The following CR1L variants were observed in gnomAD, a reference collection of about 807,000 sequenced individuals.
CR1L encodes complement component receptor 1-like protein.
Under a neutral mutation model 62.3 loss-of-function variants are expected in CR1L, and 59 were observed. The ratio of observed to expected loss-of-function variants is 0.95; its 90% CI spans 0.77 to 1.18. The LOEUF (loss-of-function observed/expected upper bound fraction) is 1.18, where lower values mean the gene tolerates loss of function less well. CR1L is among the 50% of genes most tolerant of loss of function. The pLI, the probability that CR1L is intolerant of heterozygous loss-of-function variation, is 0.00. For missense variants in CR1L, 700 were observed against 702.8 expected (o/e 1.00, Z 0.04); for synonymous variants, 279 against 248.7 (o/e 1.12, Z -1.15).
intron 11 of CR1L, 99 bp from the exon 12 acceptor site, chr1:207,723,519 C>T: frequency 9.8e-7 from 1 of 1,021,612 alleles, no homozygotes; most frequent in Non-Finnish European, 1.4e-6. Context: ...AGTCTGAGTC[C>T]TGAATAAAAA....
chr1:207,654,839 A>G (rs548206737), intron 1 of CR1L, among the ~76,000 whole-genome samples: 1 of 152,328 alleles, frequency 6.6e-6, no homozygotes, highest in African/African-American at 2.4e-5. Context: ...TTCCAGCTCT[A>G]GGGCCTGTTC....
intron 3 of CR1L, among the ~76,000 whole-genome samples, chr1:207,683,403 C>T (rs1289938728): frequency 6.6e-6 from 1 of 152,110 alleles, no homozygotes. Context: ...TCCAAACGTG[C>T]TGGGATTACA....
At chr1:207,688,419 T>C (rs1343390169) in intron 4 of CR1L, among the ~76,000 whole-genome samples, 3 of 152,080 alleles carry the variant, frequency 2.0e-5, no homozygotes, top group African/African-American at 7.2e-5. Context: ...TTTGGTTTAG[T>C]TTTTTGCCAT....
intron 1 of CR1L, among the ~76,000 whole-genome samples, chr1:207,657,701 C>A (rs1227594341): frequency 6.6e-6 from 1 of 152,088 alleles, no homozygotes; most frequent in Non-Finnish European, 1.5e-5. Context: ...CAGACTAATG[C>A]TCTCACCAAT....
intron 1 of CR1L, among the ~76,000 whole-genome samples, chr1:207,653,515 C>T (rs1000343560): frequency 6.6e-6 from 1 of 152,162 alleles, no homozygotes; most frequent in Non-Finnish European, 1.5e-5. Flanking sequence ...GTAGGGCTCA[C>T]AGAAATGAGA....
At chr1:207,718,929 T>TAA (rs1325093372) in intron 11 of CR1L, among the ~76,000 whole-genome samples, 3 of 149,308 alleles carry the variant, frequency 2.0e-5, no homozygotes, top group Non-Finnish European at 4.4e-5. Context: ...TATGCAGCCA[T>TAA]AAAAAATGAT....
At chr1:207,652,660 G>C (rs186639339) in intron 1 of CR1L, 2 of 1,057,634 alleles carry the variant, frequency 1.9e-6, no homozygotes, top group Non-Finnish European at 3.0e-6. Flanking sequence ...ACACTTCTAC[G>C]TACCTCCTCT....
At chr1:207,710,529 C>G in intron 10 of CR1L, 1 of 1,609,136 alleles carries the variant, frequency 6.2e-7, no homozygotes, top group Non-Finnish European at 8.5e-7. Context: ...GGTGAGCCCT[C>G]CATATACTGC....
At chr1:207,667,980 C>A (rs1663548331) in intron 1 of CR1L, among the ~76,000 whole-genome samples, 1 of 151,082 alleles carries the variant, frequency 6.6e-6, no homozygotes, top group Admixed American at 6.6e-5. Flanking sequence ...TATCACCTCA[C>A]CCTAGTTATC....
intron 4 of CR1L, among the ~76,000 whole-genome samples, chr1:207,688,969 A>C (rs944675185): frequency 1.3e-5 from 2 of 152,166 alleles, no homozygotes; most frequent in South Asian, 2.1e-4. Context: ...TGAATCTGAC[A>C]AAGTTTTTAA....
At chr1:207,683,980 A>G (rs746423399) in intron 4 of CR1L, 23 bp downstream of exon 4, 2 of 1,596,950 alleles carry the variant, frequency 1.3e-6, no homozygotes, top group Non-Finnish European at 1.7e-6. Context: ...ATGCATTCCT[A>G]TTTCTTTTAC....
intron 4 of CR1L, among the ~76,000 whole-genome samples, chr1:207,686,546 A>T (rs890832055): frequency 2.0e-5 from 3 of 152,150 alleles, no homozygotes; most frequent in African/African-American, 7.2e-5. Flanking sequence ...AAGGCAAATA[A>T]TTTTGAATTT....
chr1:207,688,084 G>A (rs1663939219), intron 4 of CR1L, among the ~76,000 whole-genome samples: 1 of 152,060 alleles, frequency 6.6e-6, no homozygotes, highest in South Asian at 2.1e-4. Context: ...ACCAGCCTGG[G>A]CAACAAAGCG....
intron 4 of CR1L, among the ~76,000 whole-genome samples, chr1:207,685,496 A>C (rs1663886426): frequency 6.6e-6 from 1 of 152,334 alleles, no homozygotes; most frequent in East Asian, 1.9e-4. Context: ...AGACTCCATG[A>C]TCAATTAGCC....
intron 1 of CR1L, among the ~76,000 whole-genome samples, chr1:207,675,197 C>T (rs1426516213): frequency 6.6e-6 from 1 of 151,870 alleles, no homozygotes; most frequent in Non-Finnish European, 1.5e-5. Context: ...TAAAAGCACA[C>T]AAAATTAAAA....
rs905090671 is a variant in CR1L at position 207,671,201 on chromosome 1, G to A, written c.98-6188G>A. ...GAGAGAGGTATTTTGAAAATCAGGT[G>A]GGGTAGTGCATGTGACAGCGTTTTG... On this transcript the variant is annotated intron_variant, in intron 1 of 11. Coordinates refer to ENST00000508064, the MANE Select transcript of CR1L (RefSeq NM_175710.2). 2.7e-5 allele frequency among the ~76,000 whole-genome samples: 4 copies of A among 150,846 alleles called. 1 individual carries two copies. The highest frequency in any genetic ancestry group is 1.0e-4 in the African/African-American group (4 of 40,182).
intron 10 of CR1L, among the ~76,000 whole-genome samples, chr1:207,716,070 A>T (rs1168609865): frequency 6.6e-6 from 1 of 152,210 alleles, no homozygotes; most frequent in Non-Finnish European, 1.5e-5. Context: ...GCAGTATTGA[A>T]TGACATAGGG....
intron 4 of CR1L, among the ~76,000 whole-genome samples, chr1:207,691,706 C>T (rs963116186): frequency 1.1e-4 from 16 of 152,134 alleles, no homozygotes; most frequent in Non-Finnish European, 1.9e-4. Flanking sequence ...CCTTGATTTA[C>T]TATAGTCTAC....
At chr1:207,714,073 A>T (rs1374018899) in intron 10 of CR1L, among the ~76,000 whole-genome samples, 2 of 152,220 alleles carry the variant, frequency 1.3e-5, no homozygotes, top group Non-Finnish European at 2.9e-5. Context: ...TCCAAGAAGA[A>T]CAAGCTTATG....
Sources: gnomAD v4.1 joint callset for allele counts (sites outside exome capture counted in the v4.1 genomes callset) on GRCh38, gnomAD v4.1.1 for gene constraint, MANE v1.5 for transcripts, NCBI Gene and HGNC (gene_info 2026-07-23, HGNC 2026-07-21) for gene names.